GRID2: variants seen among roughly 807,000 people sequenced by gnomAD.
GRID2 encodes the protein glutamate receptor ionotropic, delta-2.
A neutral mutation model predicts 114.8 loss-of-function variants in GRID2; 33 were observed. That is an observed-to-expected ratio of 0.29 (90% CI 0.22 to 0.38). The LOEUF (loss-of-function observed/expected upper bound fraction) is 0.38. Among genes scored for constraint, GRID2 ranks in the 10% least tolerant of loss-of-function variants. GRID2 has a pLI of 1.00. For missense variants in GRID2, 1,184 were observed against 1,257.7 expected (o/e 0.94, Z 0.89); for synonymous variants, 505 against 449.9 (o/e 1.12, Z -1.55).
chr4:93,790,876 A>G (rs1388103619), intron 1 of GRID2, among the ~76,000 whole-genome samples: 1 of 152,208 alleles, frequency 6.6e-6, no homozygotes, highest in Non-Finnish European at 1.5e-5. Context: ...CCTCTCCCAC[A>G]AAACAGAAGT....
intron 1 of GRID2, among the ~76,000 whole-genome samples, chr4:92,358,864 A>C (rs1443898577): frequency 6.6e-6 from 1 of 151,956 alleles, no homozygotes; most frequent in Non-Finnish European, 1.5e-5. Flanking sequence ...ATTAGTATAG[A>C]AGTCATATAT....
intron 1 of GRID2, among the ~76,000 whole-genome samples, chr4:92,583,714 A>T (rs1161109768): frequency 3.7e-5 from 5 of 136,540 alleles, no homozygotes; most frequent in African/African-American, 1.1e-4. Flanking sequence ...TTTATATATA[A>T]ACACACGCAC....
Position 93,422,957 on chromosome 4 carries a change from C to G in GRID2, c.1534C>G (p.Leu512Val). Residue 512 changes from leucine to valine, a missense_variant, in exon 10 of 16, where the codon CTT becomes GTT. By Grantham distance (32) the Leu-to-Val change is conservative. Around this residue, in one of 3 missense-constraint regions of GRID2, gnomAD observed 717 missense variants for 796.9 expected, o/e 0.90. Transcript: ENST00000282020. ...DGTWNGLVGELVFKRADIGIS... is the reference protein window; with the variant it reads ...DGTWNGLVGEVVFKRADIGIS... The stretch of plus-strand genomic sequence containing the variant: ...GACATGGAATGGCTTGGTAGGAGAA[C>G]TTGTCTTTAAGGTAAGAATTACTTT... The G allele has an allele frequency of 1.9e-6, 3 of 1,603,696 alleles. No homozygotes were observed. The highest frequency in any genetic ancestry group is 2.6e-6 in the Non-Finnish European group (3 of 1,170,546).
chr4:93,348,715 C>A (rs1760488574), intron 8 of GRID2, among the ~76,000 whole-genome samples: 1 of 152,088 alleles, frequency 6.6e-6, no homozygotes, highest in Non-Finnish European at 1.5e-5. Flanking sequence ...TTCTACTGGA[C>A]CTCTGCTTAG....
intron 2 of GRID2, among the ~76,000 whole-genome samples, chr4:92,886,886 A>G (rs1038031534): frequency 2.6e-5 from 4 of 152,096 alleles, no homozygotes; most frequent in Non-Finnish European, 4.4e-5. Context: ...CGGCCTCCCA[A>G]AGTGCTGGGA....
At chr4:93,801,302 C>T (rs77392260) in intron 1 of GRID2, among the ~76,000 whole-genome samples, 3,363 of 151,976 alleles carry the variant, frequency 0.022, 56 homozygotes, top group Middle Eastern at 0.074. Context: ...TTAAATTTAA[C>T]TATTATTTAA....
intron 1 of GRID2, among the ~76,000 whole-genome samples, chr4:92,375,910 G>T (rs1729333589): frequency 6.6e-6 from 1 of 152,024 alleles, no homozygotes; most frequent in African/African-American, 2.4e-5. Flanking sequence ...TATTGAGGTT[G>T]TATTTTATTA....
At chr4:92,539,321 T>A (rs2149160774) in intron 1 of GRID2, among the ~76,000 whole-genome samples, 1 of 152,296 alleles carries the variant, frequency 6.6e-6, no homozygotes, top group South Asian at 2.1e-4. Context: ...GTAAATTTAT[T>A]ACTATAAAAT....
intron 12 of GRID2, among the ~76,000 whole-genome samples, chr4:93,504,939 G>C (rs1175651608): frequency 6.6e-6 from 1 of 152,054 alleles, no homozygotes; most frequent in African/African-American, 2.4e-5. Flanking sequence ...TTATTACATA[G>C]AGAAATATTG....
chr4:93,722,337 G>T (rs773857927), intron 14 of GRID2, among the ~76,000 whole-genome samples: 5 of 152,108 alleles, frequency 3.3e-5, no homozygotes, highest in Non-Finnish European at 5.9e-5. Flanking sequence ...ACAGATGAGA[G>T]AATCAAGGAA....
In GRID2 at chr4:92,905,716, A is replaced by G. The variant is rs528743332; in HGVS notation, c.245-179279A>G. On this transcript the variant is annotated intron_variant, in intron 2 of 15. Transcript: ENST00000282020. ...TAGAAGCTCCAATATTGGGCAATGA[A>G]AGTCTAGAACTCACATCTTAAATTT... Among the ~76,000 whole-genome samples, 3 of 152,218 alleles carry G rather than the reference A, an allele frequency of 2.0e-5. No homozygotes were observed. The South Asian group carries it at 6.2e-4, about 32-fold the overall frequency.
chr4:92,533,602 T>G (rs2149154055), intron 1 of GRID2, among the ~76,000 whole-genome samples: 1 of 152,232 alleles, frequency 6.6e-6, no homozygotes, highest in South Asian at 2.1e-4. Flanking sequence ...ACAATAACTG[T>G]TCATCCCCTT....
At chr4:92,523,903 A>G (rs1371886646) in intron 1 of GRID2, among the ~76,000 whole-genome samples, 3 of 152,062 alleles carry the variant, frequency 2.0e-5, no homozygotes, top group Admixed American at 6.6e-5. Context: ...ATTATCCTCT[A>G]AGAGTATCAT....
In GRID2 at chr4:92,628,011, A is replaced by G. The variant is rs945733109; in HGVS notation, c.244+37725A>G. On this transcript the variant is annotated intron_variant, in intron 2 of 15. Transcript: ENST00000282020. ...GTATTTCCACCATACTAATACAGAT[A>G]CAGACAAAATATGATCGAGAGCATA... Among the ~76,000 whole-genome samples, 5 of 152,200 alleles carry G rather than the reference A, an allele frequency of 3.3e-5. 1 individual carries two copies. The East Asian group carries it at 9.6e-4, about 29-fold the overall frequency.
At chr4:92,920,441 C>T (rs113188214) in intron 2 of GRID2, among the ~76,000 whole-genome samples, 1 of 152,098 alleles carries the variant, frequency 6.6e-6, no homozygotes, top group Non-Finnish European at 1.5e-5. Context: ...TCTTCCTAGC[C>T]TCAATGGTCT....
At chr4:93,736,602 T>C (rs1198580304) in intron 14 of GRID2, among the ~76,000 whole-genome samples, 2 of 152,068 alleles carry the variant, frequency 1.3e-5, no homozygotes, top group African/African-American at 4.8e-5. Flanking sequence ...GTATTGGTAG[T>C]CACTCAATAT....
chr4:92,848,144 CA>C, intron 2 of GRID2, among the ~76,000 whole-genome samples: 1 of 151,726 alleles, frequency 6.6e-6, no homozygotes, highest in East Asian at 1.9e-4. Context: ...TGATGTAACA[CA>C]AACAGCTCGA....
At chr4:93,291,008 G>T (rs2149145321) in intron 8 of GRID2, among the ~76,000 whole-genome samples, 1 of 149,864 alleles carries the variant, frequency 6.7e-6, no homozygotes, top group South Asian at 2.1e-4. Flanking sequence ...CTCCTGAGTA[G>T]CTGGGACTAC....
intron 8 of GRID2, among the ~76,000 whole-genome samples, chr4:93,370,653 A>G (rs1254722205): frequency 6.6e-6 from 1 of 151,688 alleles, no homozygotes; most frequent in African/African-American, 2.4e-5. Context: ...CTTTTTTTGC[A>G]CAGCTATTAA....
Sources: gnomAD v4.1 joint callset for allele counts (sites outside exome capture counted in the v4.1 genomes callset) on GRCh38, gnomAD v4.1.1 for gene constraint, gnomAD v4.1.1 regional missense constraint, MANE v1.5 for transcripts, NCBI Gene and HGNC (gene_info 2026-07-23, HGNC 2026-07-21) for gene names.